PBRM1: variants seen among roughly 807,000 people sequenced by gnomAD.
PBRM1 encodes polybromo 1.
PBRM1 carries 27 observed loss-of-function variants against 194.5 expected under a neutral mutation model. The observed-to-expected ratio is 0.14, with a 90% confidence interval of 0.10 to 0.19. The LOEUF is 0.19. Among genes scored for constraint, PBRM1 ranks in the 10% least tolerant of loss-of-function variants. PBRM1 has a pLI of 1.00. For synonymous variants in PBRM1, 655 were observed against 693.2 expected (o/e 0.94, Z 0.87); for missense variants, 1,466 against 2,077.2 (o/e 0.71, Z 5.72).
At chr3:52,553,952 G>A (rs1391959987) in intron 27 of PBRM1, among the ~76,000 whole-genome samples, 4 of 151,874 alleles carry the variant, frequency 2.6e-5, no homozygotes, top group African/African-American at 7.3e-5. Context: ...ATGAGCCATC[G>A]TGCCCGGCCT....
intron 17 of PBRM1, among the ~76,000 whole-genome samples, chr3:52,592,847 C>G (rs1442684339): frequency 1.3e-5 from 2 of 152,162 alleles, no homozygotes; most frequent in Non-Finnish European, 2.9e-5. Flanking sequence ...TGTTATTGGT[C>G]TGTTCAGGGA....
chr3:52,668,447 T>C (rs773754944), intron 3 of PBRM1, 51 bp downstream of exon 4: 2 of 1,322,798 alleles, frequency 1.5e-6, no homozygotes, highest in South Asian at 1.4e-5. Flanking sequence ...AAGCCAATTA[T>C]CAAATTGGTA....
intron 10 of PBRM1, among the ~76,000 whole-genome samples, chr3:52,638,976 CATTTT>C (rs1345388236): frequency 1.1e-5 from 1 of 92,650 alleles, no homozygotes; most frequent in African/African-American, 4.8e-5. Context: ...ACGTTATTCA[CATTTT>C]TTTTTGGGGG....
intron 14 of PBRM1, among the ~76,000 whole-genome samples, chr3:52,616,341 T>C (rs545744798): frequency 6.6e-6 from 1 of 152,266 alleles, no homozygotes; most frequent in East Asian, 1.9e-4. Context: ...AGATATCAAA[T>C]AGAAAAAGTT....
At chr3:52,575,200 G>A (rs1344701062) in intron 22 of PBRM1, among the ~76,000 whole-genome samples, 1 of 151,250 alleles carries the variant, frequency 6.6e-6, no homozygotes, top group Non-Finnish European at 1.5e-5. Flanking sequence ...ACTGTGCCCA[G>A]CCAAAAATAC....
intron 13 of PBRM1, among the ~76,000 whole-genome samples, chr3:52,622,724 C>T (rs2095322629): frequency 2.0e-5 from 3 of 152,196 alleles, no homozygotes; most frequent in Admixed American, 6.5e-5. Flanking sequence ...ACTTCCACAG[C>T]CCTTCTACAT....
intron 10 of PBRM1, among the ~76,000 whole-genome samples, chr3:52,639,256 G>A (rs1278692741): frequency 2.6e-5 from 4 of 152,148 alleles, no homozygotes; most frequent in Admixed American, 1.3e-4. Flanking sequence ...GATTACAGGC[G>A]TGAGCCACCA....
upstream of PBRM1, among the ~76,000 whole-genome samples, chr3:52,683,365 C>T (rs1403739532): frequency 1.3e-5 from 2 of 150,652 alleles, no homozygotes; most frequent in Non-Finnish European, 3.0e-5. Flanking sequence ...CAGAGCGAGA[C>T]CGTCTCAAGA....
intron 14 of PBRM1, among the ~76,000 whole-genome samples, 199 bp downstream of exon 16, chr3:52,617,063 G>A (rs1168597714): frequency 6.6e-6 from 1 of 152,186 alleles, no homozygotes; most frequent in Non-Finnish European, 1.5e-5. Flanking sequence ...AATCTAGGAT[G>A]TCAGATTACA....
chr3:52,662,179 T>A (rs1426978823), exon 4 of PBRM1: 3 of 1,614,012 alleles, frequency 1.9e-6, no homozygotes, highest in South Asian at 1.1e-5. Flanking sequence ...TTCATCATCA[T>A]CTTCGTCATC....
chr3:52,602,414 C>CA (rs34869165), intron 17 of PBRM1, among the ~76,000 whole-genome samples: 1 of 152,160 alleles, frequency 6.6e-6, no homozygotes, highest in Non-Finnish European at 1.5e-5. Flanking sequence ...GGGATGCACT[C>CA]AAAGTTGCAG....
chr3:52,639,762 G>A lies in PBRM1; in HGVS notation c.1087+2192C>T, dbSNP rs370254809. Among the ~76,000 whole-genome samples, 3 of 150,178 alleles carry A rather than the reference G, an allele frequency of 2.0e-5. No individual in the cohort carries two copies. In the East Asian group the frequency reaches 5.8e-4, roughly 29 times the overall value. ...TTTTTTTTTTTTTTTGTAGAGGCAG[G>A]GTGTTTCTATGTCGAGCAGGCTGGT... On this transcript the variant is annotated intron_variant, in intron 10 of 29. Coordinates refer to ENST00000296302, the Ensembl canonical transcript of PBRM1.
chr3:52,670,016 C>T (rs2590840), intron 2 of PBRM1, among the ~76,000 whole-genome samples: 147,976 of 152,262 alleles, frequency 0.97, 72,054 homozygotes, highest in Middle Eastern at 1. Flanking sequence ...CATTAGGGCT[C>T]TGATAACTTA....
intron 17 of PBRM1, among the ~76,000 whole-genome samples, chr3:52,600,335 T>A (rs1388623815): frequency 6.6e-6 from 1 of 152,234 alleles, no homozygotes; most frequent in East Asian, 1.9e-4. Flanking sequence ...CTTTATGGTG[T>A]CCCTTATGTT....
At chr3:52,646,909 A>C (rs1252638320) in intron 7 of PBRM1, among the ~76,000 whole-genome samples, 2 of 152,210 alleles carry the variant, frequency 1.3e-5, no homozygotes, top group Non-Finnish European at 2.9e-5. Context: ...AAATAGATAA[A>C]GTGAACTTCA....
intron 12 of PBRM1, among the ~76,000 whole-genome samples, chr3:52,628,543 T>C (rs766240131): frequency 2.1e-4 from 32 of 151,758 alleles, no homozygotes; most frequent in Non-Finnish European, 3.5e-4. Context: ...CAATCTCGGC[T>C]CACTGCAACC....
chr3:52,570,267 G>A (rs1038466991), intron 22 of PBRM1, among the ~76,000 whole-genome samples: 2 of 152,088 alleles, frequency 1.3e-5, no homozygotes, highest in Non-Finnish European at 2.9e-5. Flanking sequence ...ATGAGCCATC[G>A]CACCCAGCCA....
At chr3:52,681,712 A>C (rs1485294488), upstream of PBRM1, 1 of 1,015,534 alleles carries the variant, frequency 9.8e-7, no homozygotes, top group Non-Finnish European at 1.2e-6. Flanking sequence ...ACCAGAGCAC[A>C]ACCAGCGCCT....
At chr3:52,625,167 TA>T (rs1191011845) in intron 13 of PBRM1, among the ~76,000 whole-genome samples, 5 of 151,906 alleles carry the variant, frequency 3.3e-5, no homozygotes, top group Non-Finnish European at 5.9e-5. Flanking sequence ...TCTTTAGTAT[TA>T]AAAAAAAGGC....
Sources: allele counts gnomAD v4.1 joint callset (sites outside exome capture counted in the v4.1 genomes callset), GRCh38; gene constraint gnomAD v4.1.1; transcripts MANE v1.5; gene names NCBI Gene and HGNC (gene_info 2026-07-23, HGNC 2026-07-21).